Variants in LRIG1 observed in about 807,000 individuals in gnomAD.
LRIG1 encodes the protein leucine-rich repeats and immunoglobulin-like domains protein 1.
In LRIG1, 48 loss-of-function variants were observed where a neutral mutation model predicts 99.2. The observed-to-expected ratio is 0.48, with a 90% CI of 0.38 to 0.62. The LOEUF (loss-of-function observed/expected upper bound fraction) is 0.62, where lower values mean the gene tolerates loss of function less well. Ranked by LOEUF, LRIG1 falls within the 20% of genes least tolerant of loss-of-function variation. LRIG1 has a pLI of 0.00. For synonymous variants in LRIG1, 772 were observed against 596.1 expected, an observed-to-expected ratio of 1.29 and a Z score of -4.30; for missense variants, 1,646 against 1,434.4, an observed-to-expected ratio of 1.15 and a Z score of -2.38.
intron 3 of LRIG1, among the ~76,000 whole-genome samples, chr3:66,426,642 T>C (rs371806455): frequency 5.9e-5 from 9 of 152,228 alleles, no homozygotes; most frequent in African/African-American, 2.2e-4. Context: ...AAATGGAACA[T>C]AAGTCTCTCT....
chr3:66,386,433 G>A, intron 12 of LRIG1, 132 bp from the exon 13 acceptor site: 1 of 723,508 alleles, frequency 1.4e-6, no homozygotes, highest in African/African-American at 1.8e-5. Context: ...TGCATCCTCA[G>A]CCCCACCAAC....
chr3:66,420,584 T>C (rs183892516), intron 3 of LRIG1, among the ~76,000 whole-genome samples: 169 of 152,348 alleles, frequency 1.1e-3, no homozygotes, highest in Non-Finnish European at 1.1e-3. Flanking sequence ...TGTATATACA[T>C]GCAATGAGAT....
intron 3 of LRIG1, among the ~76,000 whole-genome samples, chr3:66,442,158 C>T (rs911511464): frequency 2.6e-5 from 4 of 152,214 alleles, no homozygotes; most frequent in South Asian, 2.1e-4. Flanking sequence ...TCTTTAAAAA[C>T]TCTTGCCTTT....
chr3:66,446,951 G>A (rs1400560183), intron 3 of LRIG1, among the ~76,000 whole-genome samples: 7 of 151,116 alleles, frequency 4.6e-5, no homozygotes, highest in South Asian at 2.1e-4. Context: ...TTTGGGGGGC[G>A]GGGTGGGTTG....
chr3:66,448,306 C>T (rs2106798483), intron 3 of LRIG1, among the ~76,000 whole-genome samples: 1 of 152,262 alleles, frequency 6.6e-6, no homozygotes, highest in Admixed American at 6.5e-5. Flanking sequence ...GCTCTGGTGT[C>T]TGGAAGTCGG....
intron 3 of LRIG1, among the ~76,000 whole-genome samples, chr3:66,439,030 C>G (rs1703456091): frequency 6.6e-6 from 1 of 152,228 alleles, no homozygotes; most frequent in Admixed American, 6.5e-5. Context: ...CAAATAGTTG[C>G]TATAGCATCA....
chr3:66,468,618 G>A (rs553585587), intron 1 of LRIG1, among the ~76,000 whole-genome samples: 1 of 152,180 alleles, frequency 6.6e-6, no homozygotes, highest in Non-Finnish European at 1.5e-5. Flanking sequence ...CTGAGCACCA[G>A]TGGGCACCCA....
intron 1 of LRIG1, among the ~76,000 whole-genome samples, chr3:66,475,426 G>T (rs560683864): frequency 2.8e-4 from 43 of 152,182 alleles, no homozygotes; most frequent in Non-Finnish European, 6.0e-4. Flanking sequence ...TGCTGGAAAA[G>T]GCAGGCACTC....
At chr3:66,403,223 T>A (rs939464966) in intron 9 of LRIG1, among the ~76,000 whole-genome samples, 2 of 152,204 alleles carry the variant, frequency 1.3e-5, no homozygotes, top group Non-Finnish European at 2.9e-5. Flanking sequence ...ATCATAGGCA[T>A]CATACCATTT....
chr3:66,458,018 G>GC, intron 2 of LRIG1, among the ~76,000 whole-genome samples: 1 of 152,358 alleles, frequency 6.6e-6, no homozygotes, highest in South Asian at 2.1e-4. Context: ...GTTAGCACAG[G>GC]TTTTGAGTTC....
At position 66,500,241 on chromosome 3, in the gene LRIG1, C is replaced by T; in HGVS notation, c.167G>A (p.Gly56Glu). ...CCCGGGCAACGCAGCCAGCCCGCGC[C>T]CACCGCAGTCCAGCGAGTCCCCAGC... ...TCAGDSLDCG[G>E]RGLAALPGDL... Residue 56 changes from glycine (G) to glutamate (E), a missense_variant, in exon 1 of 19, where the codon GGG becomes GAG. Transcript: ENST00000273261. 1.3e-6 allele frequency: 2 copies of T among 1,510,192 alleles called. No individual in the cohort carries two copies. The highest frequency in any genetic ancestry group is 8.8e-7 in the Non-Finnish European group (1 of 1,136,118). The allele number at this position is 1,510,192 out of a possible 1,614,324, so 93.5% of individuals were successfully genotyped here.
chr3:66,499,274 C>T (rs775868561), intron 1 of LRIG1, among the ~76,000 whole-genome samples: 1 of 152,198 alleles, frequency 6.6e-6, no homozygotes, highest in Non-Finnish European at 1.5e-5. Context: ...TCCTAATAAG[C>T]CCACATCCTG....
At chr3:66,388,493 A>C (rs1701489340) in intron 12 of LRIG1, among the ~76,000 whole-genome samples, 1 of 152,228 alleles carries the variant, frequency 6.6e-6, no homozygotes. Context: ...ATGTGCAGCC[A>C]CACATCCAAG....
chr3:66,482,742 C>A (rs1005785902), intron 1 of LRIG1, among the ~76,000 whole-genome samples: 23 of 152,256 alleles, frequency 1.5e-4, no homozygotes, highest in South Asian at 6.2e-4. Context: ...ATCAGAGAAA[C>A]TTTACAAGTT....
chr3:66,389,491 C>T (rs959517016), intron 12 of LRIG1, among the ~76,000 whole-genome samples: 3 of 152,110 alleles, frequency 2.0e-5, no homozygotes, highest in African/African-American at 7.2e-5. Flanking sequence ...TTCAAAGATA[C>T]AAATAAGCAG....
intron 2 of LRIG1, among the ~76,000 whole-genome samples, chr3:66,454,697 G>A (rs2106817223): frequency 6.6e-6 from 1 of 152,288 alleles, no homozygotes; most frequent in African/African-American, 2.4e-5. Context: ...TGTAGCTAAG[G>A]TAAAAGGATT....
intron 1 of LRIG1, among the ~76,000 whole-genome samples, chr3:66,476,024 A>T (rs191874748): frequency 6.6e-6 from 1 of 152,326 alleles, no homozygotes; most frequent in East Asian, 1.9e-4. Context: ...GGTCTATGTC[A>T]GCAATAATCC....
intron 3 of LRIG1, among the ~76,000 whole-genome samples, chr3:66,435,129 T>C (rs778854180): frequency 2.6e-5 from 4 of 152,170 alleles, no homozygotes; most frequent in African/African-American, 9.7e-5. Context: ...GAACGACACA[T>C]ACAATAACCT....
At chr3:66,418,585 G>T (rs1702696754) in intron 3 of LRIG1, among the ~76,000 whole-genome samples, 1 of 152,204 alleles carries the variant, frequency 6.6e-6, no homozygotes, top group Non-Finnish European at 1.5e-5. Flanking sequence ...CTGCTGGGTG[G>T]TGGCGCTGGG....
Sources: allele counts gnomAD v4.1 joint callset (sites outside exome capture counted in the v4.1 genomes callset), GRCh38; gene constraint gnomAD v4.1.1; transcripts MANE v1.5; gene names NCBI Gene and HGNC (gene_info 2026-07-23, HGNC 2026-07-21).